Variants in ROBO1 observed in about 807,000 individuals in gnomAD.
ROBO1 encodes the protein roundabout guidance receptor 1, also known as roundabout homolog 1.
In ROBO1, 149 loss-of-function variants were observed where a neutral mutation model predicts 195.9. The ratio of observed to expected loss-of-function variants is 0.76; its 90% CI spans 0.67 to 0.87. ROBO1 has a LOEUF of 0.87. Ranked by LOEUF, ROBO1 falls within the 40% of genes least tolerant of loss-of-function variation. ROBO1 has a pLI of 0.00. For missense variants in ROBO1, 1,933 were observed against 2,068.3 expected (o/e 0.93, Z 1.27); for synonymous variants, 816 against 733.2 (o/e 1.11, Z -1.82).
intron 4 of ROBO1, among the ~76,000 whole-genome samples, chr3:78,936,257 C>T (rs980435072): frequency 1.3e-5 from 2 of 151,766 alleles, no homozygotes; most frequent in African/African-American, 4.8e-5. Context: ...CCAAGAAATA[C>T]AGTTGTTGTT....
intron 10 of ROBO1, among the ~76,000 whole-genome samples, chr3:78,682,515 G>T (rs554094220): frequency 3.4e-5 from 5 of 146,054 alleles, no homozygotes; most frequent in African/African-American, 7.6e-5. Context: ...ATATATGACT[G>T]TGTATATATG....
At chr3:79,431,957 A>G (rs2038696325) in intron 2 of ROBO1, among the ~76,000 whole-genome samples, 1 of 152,072 alleles carries the variant, frequency 6.6e-6, no homozygotes, top group Admixed American at 6.6e-5. Flanking sequence ...CCATTTTTGA[A>G]TAACACTCTT....
intron 3 of ROBO1, among the ~76,000 whole-genome samples, chr3:79,041,978 C>A (rs1440725493): frequency 6.6e-6 from 1 of 152,150 alleles, no homozygotes; most frequent in African/African-American, 2.4e-5. Flanking sequence ...ATGACCAATT[C>A]CTCTTTCCCT....
chr3:79,759,358 T>C (rs955111385), intron 1 of ROBO1, among the ~76,000 whole-genome samples: 8 of 152,222 alleles, frequency 5.3e-5, no homozygotes, highest in Non-Finnish European at 1.2e-4. Flanking sequence ...CTGTTGGCTG[T>C]TGTGCTGAAA....
At chr3:79,339,504 A>C (rs1373295106) in intron 2 of ROBO1, among the ~76,000 whole-genome samples, 1 of 151,780 alleles carries the variant, frequency 6.6e-6, no homozygotes, top group Non-Finnish European at 1.5e-5. Flanking sequence ...CACATGGCTC[A>C]CTCCCTTTTT....
At chr3:79,341,138 T>C (rs1312930571) in intron 2 of ROBO1, among the ~76,000 whole-genome samples, 1 of 152,216 alleles carries the variant, frequency 6.6e-6, no homozygotes, top group Non-Finnish European at 1.5e-5. Context: ...GAATTTCCAA[T>C]GCCATCTGAA....
rs562526226 is a variant in ROBO1, at chr3:79,618,315, G to T, written c.-50-28354C>A. ...CTCTAAAAAACAAATCTTATTGTCA[G>T]GCCTCTGAGCCCACATCTGCATGTA... On this transcript the variant is annotated intron_variant, in intron 1 of 30. Coordinates refer to ENST00000464233, the MANE Select transcript of ROBO1 (RefSeq NM_002941.4). Among the ~76,000 whole-genome samples the T allele has an allele frequency of 2.0e-5, 3 of 152,244 alleles. No homozygotes were observed. In the South Asian group the frequency reaches 6.2e-4, roughly 32 times the overall value.
rs62259700 is a variant in ROBO1, at chr3:79,168,644, C to T, written c.89-43105G>A. Among the ~76,000 whole-genome samples the T allele has an allele frequency of 6.0e-3, 913 of 152,176 alleles. 9 individuals carry two copies. Among genetic ancestry groups the T allele is most frequent in the Non-Finnish European group, 9.0e-3 (611 of 68,002 alleles). ...GAGGTTAAAGTCATGTTTTCTGTGT[C>T]CCAAACTCTTCAATATCTCTAGTCA... On this transcript the variant is annotated intron_variant, in intron 2 of 30. Transcript: ENST00000464233.
At chr3:79,630,420 G>A (rs995831122) in intron 1 of ROBO1, among the ~76,000 whole-genome samples, 6 of 151,874 alleles carry the variant, frequency 4.0e-5, no homozygotes, top group African/African-American at 7.2e-5. Context: ...ATGCAGAAAA[G>A]GCATGCAGTA....
chr3:79,542,746 T>C (rs917272839), intron 2 of ROBO1, among the ~76,000 whole-genome samples: 1 of 152,116 alleles, frequency 6.6e-6, no homozygotes, highest in Non-Finnish European at 1.5e-5. Context: ...AGTAAGCGGT[T>C]GAGCCAAGAG....
chr3:79,641,050 G>A (rs1945644206), intron 1 of ROBO1, among the ~76,000 whole-genome samples: 1 of 152,030 alleles, frequency 6.6e-6, no homozygotes, highest in African/African-American at 2.4e-5. Context: ...TGGATATAGG[G>A]AAGTTGTACT....
At chr3:79,421,503 C>A (rs1029366797) in intron 2 of ROBO1, among the ~76,000 whole-genome samples, 1 of 152,038 alleles carries the variant, frequency 6.6e-6, no homozygotes, top group Non-Finnish European at 1.5e-5. Context: ...GGGGAAGAAC[C>A]CAGGCACAGG....
At chr3:78,900,736 T>TTATC (rs1346061997) in intron 4 of ROBO1, among the ~76,000 whole-genome samples, 3 of 152,074 alleles carry the variant, frequency 2.0e-5, no homozygotes, top group Non-Finnish European at 4.4e-5. Context: ...ATTTTTAATA[T>TTATC]TATCTTTAAA....
chr3:79,528,117 A>G (rs1291279980), intron 2 of ROBO1, among the ~76,000 whole-genome samples: 2 of 152,198 alleles, frequency 1.3e-5, no homozygotes, highest in East Asian at 1.9e-4. Context: ...TACACGTCCA[A>G]TTACTTATAT....
chr3:79,346,249 G>C (rs1050937491), intron 2 of ROBO1, among the ~76,000 whole-genome samples: 1 of 152,084 alleles, frequency 6.6e-6, no homozygotes. Flanking sequence ...GCTGGTGGTG[G>C]CTTAACCAAA....
intron 4 of ROBO1, among the ~76,000 whole-genome samples, chr3:78,839,647 A>G (rs1364292482): frequency 6.6e-6 from 1 of 152,204 alleles, no homozygotes; most frequent in Non-Finnish European, 1.5e-5. Context: ...TCCTAGCAAC[A>G]GCATGATTTA....
At chr3:78,968,825 C>T (rs1189823352) in intron 3 of ROBO1, among the ~76,000 whole-genome samples, 1 of 152,134 alleles carries the variant, frequency 6.6e-6, no homozygotes, top group Non-Finnish European at 1.5e-5. Context: ...TTTTGTATTA[C>T]ATTTCATTAC....
intron 4 of ROBO1, among the ~76,000 whole-genome samples, chr3:78,886,024 A>G (rs916040589): frequency 6.7e-6 from 1 of 149,904 alleles, no homozygotes; most frequent in East Asian, 2.0e-4. Context: ...ATATTTTTGT[A>G]AAACGTCTTC....
chr3:79,591,642 C>G (rs937820788), intron 1 of ROBO1, among the ~76,000 whole-genome samples: 1 of 151,896 alleles, frequency 6.6e-6, no homozygotes, highest in Admixed American at 6.6e-5. Flanking sequence ...AATATTTTTA[C>G]TCTTTAATCC....
Sources: allele counts gnomAD v4.1 joint callset (sites outside exome capture counted in the v4.1 genomes callset), GRCh38; gene constraint gnomAD v4.1.1; transcripts MANE v1.5; gene names NCBI Gene and HGNC (gene_info 2026-07-23, HGNC 2026-07-21).